Variants in ZMAT4 observed in about 807,000 individuals in gnomAD.
ZMAT4 encodes the protein zinc finger matrin-type 4.
ZMAT4 carries 17 observed loss-of-function variants against 28.7 expected under a neutral mutation model. The observed-to-expected ratio is 0.59, with a 90% CI of 0.41 to 0.89. The LOEUF (loss-of-function observed/expected upper bound fraction) is 0.89. Among genes scored for constraint, ZMAT4 ranks in the 40% least tolerant of loss-of-function variants. The pLI, the probability that ZMAT4 is intolerant of heterozygous loss-of-function variation, is 0.00. For missense variants in ZMAT4, 240 were observed against 283.8 expected (o/e 0.85, Z 1.11); for synonymous variants, 117 against 109.2 (o/e 1.07, Z -0.44).
At chr8:40,610,512 A>T (rs1330808887) in intron 5 of ZMAT4, among the ~76,000 whole-genome samples, 1 of 151,928 alleles carries the variant, frequency 6.6e-6, no homozygotes, top group Non-Finnish European at 1.5e-5. Context: ...ATATATATAT[A>T]TATTTTCATT....
chr8:40,736,247 C>T (rs770924290), intron 3 of ZMAT4, among the ~76,000 whole-genome samples: 1 of 152,188 alleles, frequency 6.6e-6, no homozygotes, highest in Non-Finnish European at 1.5e-5. Flanking sequence ...ATGACAACTC[C>T]TCTAACCTTT....
chr8:40,773,074 C>T (rs1813447520), intron 2 of ZMAT4, among the ~76,000 whole-genome samples: 1 of 152,206 alleles, frequency 6.6e-6, no homozygotes, highest in Non-Finnish European at 1.5e-5. Context: ...CAAATGCAGA[C>T]AAGACAAATA....
At chr8:40,723,216 C>G (rs1274935351) in intron 3 of ZMAT4, among the ~76,000 whole-genome samples, 2 of 152,056 alleles carry the variant, frequency 1.3e-5, no homozygotes, top group African/African-American at 4.8e-5. Context: ...ATTTAGAGCC[C>G]AAAATATACC....
rs2150562921 is a variant in ZMAT4, at chr8:40,769,445, C to T, written c.103-1715G>A. ...TACTAACATCTGTACATATTTTCTG[C>T]CATTTTGCTGAGGGTATTTTAGAGG... is the stretch of plus-strand genomic sequence containing the variant. On this transcript the variant is annotated intron_variant, in intron 2 of 6. Coordinates refer to ENST00000297737, the MANE Select transcript of ZMAT4 (RefSeq NM_024645.3). Among the ~76,000 whole-genome samples, 2 of 152,224 alleles carry T rather than the reference C, an allele frequency of 1.3e-5. 1 individual carries two copies. The highest frequency in any genetic ancestry group is 6.8e-3 in the Middle Eastern group (2 of 294).
At chr8:40,790,726 T>C (rs1050246888) in intron 2 of ZMAT4, among the ~76,000 whole-genome samples, 3 of 152,216 alleles carry the variant, frequency 2.0e-5, no homozygotes, top group Non-Finnish European at 4.4e-5. Context: ...ACTTACAGAT[T>C]CCATGCAATT....
chr8:40,637,319 C>T (rs2722416), intron 5 of ZMAT4, among the ~76,000 whole-genome samples: 84,255 of 151,980 alleles, frequency 0.55, 24,226 homozygotes, highest in East Asian at 0.69. Flanking sequence ...CAACAGTTAA[C>T]ATGGGAATTG....
chr8:40,622,721 G>A (rs1806243925), intron 5 of ZMAT4, among the ~76,000 whole-genome samples: 1 of 152,172 alleles, frequency 6.6e-6, no homozygotes, highest in African/African-American at 2.4e-5. Context: ...AGGGGAGCTG[G>A]TGTGTCACAT....
rs114234595 is a variant in ZMAT4 at position 40,804,630 on chromosome 8, G to A, written c.102+20945C>T. Among the ~76,000 whole-genome samples the A allele has an allele frequency of 5.0e-3, 763 of 152,064 alleles. 10 individuals are homozygous for A. Among genetic ancestry groups the A allele is most frequent in the African/African-American group, 0.017 (715 of 41,466 alleles). On this transcript the variant is annotated intron_variant, in intron 2 of 6. Coordinates refer to ENST00000297737, the MANE Select transcript of ZMAT4 (RefSeq NM_024645.3). The stretch of plus-strand genomic sequence containing the variant: ...CCAAAGTGGGCAGATCACCTGAGTC[G>A]GGAGTTTGAGACCAGCCTGAACAAC...
At chr8:40,769,914 A>G (rs1813319541) in intron 2 of ZMAT4, among the ~76,000 whole-genome samples, 1 of 152,124 alleles carries the variant, frequency 6.6e-6, no homozygotes, top group Admixed American at 6.5e-5. Flanking sequence ...GCTGAAAAGG[A>G]AAGGAAAATA....
rs1043692448 is a variant in ZMAT4 at position 40,725,205 on chromosome 8, T to G, written c.193-27804A>C. Among the ~76,000 whole-genome samples the G allele has an allele frequency of 2.0e-5, 3 of 152,100 alleles. No homozygotes were observed. In the East Asian group the frequency reaches 5.8e-4, roughly 29 times the overall value. On this transcript the variant is annotated intron_variant, in intron 3 of 6. Coordinates refer to ENST00000297737, the MANE Select transcript of ZMAT4 (RefSeq NM_024645.3). ...TCCTGCTAAGTCATCTGGCATCAAC[T>G]TAAAAGCATAGGTTTTTCAATTAAT...
chr8:40,719,213 G>A (rs769383446), intron 3 of ZMAT4, among the ~76,000 whole-genome samples: 2 of 152,066 alleles, frequency 1.3e-5, no homozygotes, highest in African/African-American at 2.4e-5. Context: ...AGGCTGAGAC[G>A]GCGAATTATG....
chr8:40,827,870 G>T (rs562130772), intron 1 of ZMAT4, among the ~76,000 whole-genome samples: 1 of 152,300 alleles, frequency 6.6e-6, no homozygotes, highest in South Asian at 2.1e-4. Context: ...ATTAAAATCT[G>T]TCCCACCGTA....
chr8:40,667,717 A>G (rs1001959828), intron 5 of ZMAT4, among the ~76,000 whole-genome samples: 3 of 152,158 alleles, frequency 2.0e-5, no homozygotes, highest in Non-Finnish European at 4.4e-5. Flanking sequence ...TAAGAAGCAC[A>G]GGAAACTCAT....
chr8:40,824,948 CCAATAGAGGAT>C (rs1815979062), intron 2 of ZMAT4, among the ~76,000 whole-genome samples: 1 of 152,126 alleles, frequency 6.6e-6, no homozygotes, highest in Non-Finnish European at 1.5e-5. Flanking sequence ...TCCTCTGCTC[CCAATAGAGGAT>C]CAAAAAGTGG....
At chr8:40,798,855 C>T (rs1814700611) in intron 2 of ZMAT4, among the ~76,000 whole-genome samples, 1 of 150,542 alleles carries the variant, frequency 6.6e-6, no homozygotes, top group South Asian at 2.1e-4. Flanking sequence ...AGACTTTCCT[C>T]CACCTCTCTT....
intron 5 of ZMAT4, among the ~76,000 whole-genome samples, chr8:40,599,385 A>ATG (rs769923071): frequency 5.7e-4 from 83 of 144,890 alleles, no homozygotes; most frequent in Non-Finnish European, 1.1e-3. Context: ...GCACATATAT[A>ATG]TGTGTGTGTG....
At chr8:40,705,338 G>A (rs949661235) in intron 3 of ZMAT4, among the ~76,000 whole-genome samples, 2 of 152,148 alleles carry the variant, frequency 1.3e-5, no homozygotes, top group Admixed American at 1.3e-4. Flanking sequence ...AATGAATAGA[G>A]GGGCCCGAGA....
At chr8:40,868,596 G>T (rs930827813) in intron 1 of ZMAT4, among the ~76,000 whole-genome samples, 1 of 152,312 alleles carries the variant, frequency 6.6e-6, no homozygotes, top group South Asian at 2.1e-4. Flanking sequence ...CAATAGGAAA[G>T]AAAATGAGTG....
Position 40,626,702 on chromosome 8 carries a change from T to C in ZMAT4, c.578-45441A>G, listed in dbSNP as rs549313852. On this transcript the variant is annotated intron_variant, in intron 5 of 6. Transcript: ENST00000297737. ...TCCTGCTGGTGTGAAGTCAGGCCTC[T>C]GTGACCAAATAAAAATGTCCATGGA... 4.6e-5 allele frequency among the ~76,000 whole-genome samples: 7 copies of C among 152,316 alleles called. No homozygotes were observed. In the South Asian group the frequency reaches 1.0e-3, roughly 23 times the overall value.
Sources: gnomAD v4.1 joint callset for allele counts (sites outside exome capture counted in the v4.1 genomes callset) on GRCh38, gnomAD v4.1.1 for gene constraint, MANE v1.5 for transcripts, NCBI Gene and HGNC (gene_info 2026-07-23, HGNC 2026-07-21) for gene names.